Variants in RABL6 observed in about 807,000 individuals in gnomAD.
RABL6 encodes RAB, member RAS oncogene family like 6.
Under a neutral mutation model 72.9 loss-of-function variants are expected in RABL6, and 28 were observed. The observed-to-expected ratio is 0.38, with a 90% CI of 0.28 to 0.53. RABL6 has a LOEUF of 0.53. Among genes scored for constraint, RABL6 ranks in the 20% least tolerant of loss-of-function variants. The pLI, the probability that RABL6 is intolerant of heterozygous loss-of-function variation, is 0.80. For missense variants in RABL6, 1,029 were observed against 1,008.4 expected, an observed-to-expected ratio of 1.02 and a Z score of -0.28; for synonymous variants, 477 against 421.2, an observed-to-expected ratio of 1.13 and a Z score of -1.62.
chr9:136,840,525 C>A lies in RABL6; in HGVS notation c.*3C>A, dbSNP rs762239302. Reference sequence around the variant, plus strand: ...GTGGCGACTACGAGGAGCTCTAGGCCGGCGTGGGCAGTGGCCGCCCTGGGG... The same window carrying A: ...GTGGCGACTACGAGGAGCTCTAGGCAGGCGTGGGCAGTGGCCGCCCTGGGG... On this transcript the variant is annotated 3_prime_UTR_variant, in exon 15 of 15. Transcript: ENST00000311502. 6 of 1,541,464 alleles carry A rather than the reference C, an allele frequency of 3.9e-6. 1 individual carries two copies. In the South Asian group the frequency reaches 7.2e-5, roughly 18 times the overall value.
At chr9:136,810,916 T>C (rs1847997952) in intron 1 of RABL6, among the ~76,000 whole-genome samples, 1 of 152,150 alleles carries the variant, frequency 6.6e-6, no homozygotes, top group Non-Finnish European at 1.5e-5. Context: ...GTCGAGGGTT[T>C]TGGGGGTGAG....
intron 1 of RABL6, among the ~76,000 whole-genome samples, chr9:136,818,638 G>C (rs1848176214): frequency 6.6e-6 from 1 of 151,864 alleles, no homozygotes; most frequent in South Asian, 2.1e-4. Context: ...TCAGCTACTC[G>C]AGAGGCTGAG....
chr9:136,818,107 T>TA (rs1848157531), intron 1 of RABL6, among the ~76,000 whole-genome samples: 1 of 144,352 alleles, frequency 6.9e-6, no homozygotes, highest in East Asian at 2.0e-4. Flanking sequence ...CTCACGCCTG[T>TA]AATCCCAGCA....
At chr9:136,811,138 C>G (rs1179779606) in intron 1 of RABL6, among the ~76,000 whole-genome samples, 1 of 152,178 alleles carries the variant, frequency 6.6e-6, no homozygotes, top group Non-Finnish European at 1.5e-5. Context: ...ATATGAGTGA[C>G]CATGGCTCGT....
At position 136,834,507 on chromosome 9, in the gene RABL6, A is replaced by T. The variant is rs1848547758; in HGVS notation, c.706-1235A>T. 3 of 950,972 alleles carry T rather than the reference A, an allele frequency of 3.2e-6. No individual in the cohort carries two copies. In the Admixed American group the frequency reaches 1.9e-4, roughly 59 times the overall value. 58.9% of individuals were successfully genotyped at this position (950,972 alleles called of 1,614,324 possible). On this transcript the variant is annotated intron_variant, in intron 7 of 14. Transcript: ENST00000311502. ...AATACACTCTTTTTTTTGGAGACGG[A>T]GTCTCACTCTGTCCAGGCTGGAGTA... is the stretch of plus-strand genomic sequence containing the variant.
intron 2 of RABL6, among the ~76,000 whole-genome samples, chr9:136,824,843 C>T (rs1156953376): frequency 3.9e-5 from 6 of 152,190 alleles, no homozygotes; most frequent in Non-Finnish European, 5.9e-5. Flanking sequence ...ACAGGGCCGG[C>T]GCACAGAAGC....
intron 1 of RABL6, among the ~76,000 whole-genome samples, chr9:136,816,343 G>A (rs145111673): frequency 0.019 from 2,926 of 151,984 alleles, 96 homozygotes; most frequent in African/African-American, 0.066. Flanking sequence ...GGGCCCAAGC[G>A]ATCCATCTGC....
chr9:136,839,113 G>A lies in RABL6; in HGVS notation c.1485G>A (p.Glu495=). 6.2e-7 allele frequency: 1 copy of A among 1,612,330 alleles called. No individual in the cohort carries two copies. Among genetic ancestry groups the A allele is most frequent in the African/African-American group, 1.3e-5 (1 of 75,052 alleles). Residue 495 remains glutamate (E), a synonymous_variant, in exon 11 of 15, where the codon GAG becomes GAA. Transcript: ENST00000311502. The part of the protein sequence containing the change: ...APAPQQCSEP[E]TKWSSIPASK... ...CTCCCCAGCAGTGCTCAGAGCCAGA[G>A]ACCAAGTGGTAAGGGCAGGTGTCCC...
chr9:136,835,442 G>C (rs553598785), intron 7 of RABL6: 13 of 320,470 alleles, frequency 4.1e-5, no homozygotes, highest in South Asian at 1.6e-4. Flanking sequence ...TTCACTCTTA[G>C]AGGTGCGTGT....
intron 1 of RABL6, among the ~76,000 whole-genome samples, chr9:136,820,080 T>C (rs1848206317): frequency 6.6e-6 from 1 of 151,372 alleles, no homozygotes. Flanking sequence ...GCGCCTGTAG[T>C]CCCAGCTACT....
chr9:136,838,152 C>T, intron 10 of RABL6, 137 bp downstream of exon 10: 1 of 1,146,826 alleles, frequency 8.7e-7, no homozygotes, highest in Non-Finnish European at 1.2e-6. Flanking sequence ...GACAGAGCAG[C>T]TCTGTGGCTG....
At position 136,840,832 on chromosome 9, in the gene RABL6, C is replaced by T. The variant is rs1267673579; in HGVS notation, c.*310C>T. 3 of 1,545,826 alleles carry T rather than the reference C, an allele frequency of 1.9e-6. No homozygotes were observed. The highest frequency in any genetic ancestry group is 2.4e-5 in the East Asian group (1 of 40,876). ...GATGTGACTGAGGCCCAGGAGGGAC[C>T]TGTGAGGGTCTGTTTACAGAGGCTG... On this transcript the variant is annotated 3_prime_UTR_variant, in exon 15 of 15. Transcript: ENST00000311502.
chr9:136,819,325 A>G (rs562357554), intron 1 of RABL6, among the ~76,000 whole-genome samples: 17 of 116,370 alleles, frequency 1.5e-4, no homozygotes, highest in African/African-American at 3.4e-4. Flanking sequence ...CCGTCTCAAG[A>G]AAAAAAAAAA....
intron 1 of RABL6, chr9:136,821,552 C>G (rs945652983): frequency 2.0e-6 from 2 of 985,282 alleles, no homozygotes; most frequent in African/African-American, 3.5e-5. Context: ...CGGGCTGCTG[C>G]TCATCTGGGG....
chr9:136,833,539 G>C (rs1026954521), intron 7 of RABL6: 3 of 808,466 alleles, frequency 3.7e-6, no homozygotes, highest in Non-Finnish European at 5.7e-6. Flanking sequence ...GACTGGGTCT[G>C]GGGGACCTGA....
intron 8 of RABL6, chr9:136,837,122 G>T (rs1452856166): frequency 2.9e-6 from 2 of 681,342 alleles, no homozygotes; most frequent in Non-Finnish European, 5.4e-6. Flanking sequence ...TGATCTGCCT[G>T]CCTTGGCCTC....
intron 8 of RABL6, 77 bp downstream of exon 8, chr9:136,835,922 C>T: frequency 7.4e-7 from 1 of 1,353,538 alleles, no homozygotes; most frequent in East Asian, 2.5e-5. Context: ...TGGGCTGCAC[C>T]AAGGAGACAG....
At chr9:136,838,312 T>A (rs1055899064) in intron 10 of RABL6, among the ~76,000 whole-genome samples, 2 of 152,216 alleles carry the variant, frequency 1.3e-5, no homozygotes, top group African/African-American at 4.8e-5. Flanking sequence ...CCACTGCAGG[T>A]CATATGGGAG....
At chr9:136,825,008 C>T (rs964929596) in intron 2 of RABL6, among the ~76,000 whole-genome samples, 2 of 143,448 alleles carry the variant, frequency 1.4e-5, no homozygotes, top group South Asian at 4.6e-4. Context: ...GTTCTCCCTT[C>T]CCCTTGGAAT....
Sources: gnomAD v4.1 joint callset for allele counts (sites outside exome capture counted in the v4.1 genomes callset) on GRCh38, gnomAD v4.1.1 for gene constraint, MANE v1.5 for transcripts, NCBI Gene and HGNC (gene_info 2026-07-23, HGNC 2026-07-21) for gene names.